ADGRL3: variants seen among roughly 807,000 people sequenced by gnomAD.
ADGRL3 encodes the protein calcium-independent alpha-latrotoxin receptor 3.
In ADGRL3, 62 loss-of-function variants were observed where a neutral mutation model predicts 153.5. The observed-to-expected ratio is 0.40, with a 90% CI of 0.33 to 0.50. ADGRL3 has a LOEUF of 0.50. ADGRL3 is among the 20% of genes least tolerant of loss of function. The pLI, the probability that ADGRL3 is intolerant of heterozygous loss-of-function variation, is 0.47. For synonymous variants in ADGRL3, 710 were observed against 672.5 expected, an observed-to-expected ratio of 1.06 and a Z score of -0.86; for missense variants, 1,641 against 1,859.4, an observed-to-expected ratio of 0.88 and a Z score of 2.16.
chr4:61,802,756 TGCATTAG>T, intron 8 of ADGRL3, among the ~76,000 whole-genome samples: 1 of 151,996 alleles, frequency 6.6e-6, no homozygotes, highest in East Asian at 1.9e-4. Flanking sequence ...AAACAAGGGA[TGCATTAG>T]GCATATAATT....
chr4:61,779,209 A>G (rs1027405115), intron 8 of ADGRL3, among the ~76,000 whole-genome samples: 3 of 152,140 alleles, frequency 2.0e-5, no homozygotes, highest in African/African-American at 7.2e-5. Context: ...CATTTGTATA[A>G]TCAAACCTAT....
At chr4:61,415,680 C>T (rs1456072320) in intron 2 of ADGRL3, among the ~76,000 whole-genome samples, 1 of 151,308 alleles carries the variant, frequency 6.6e-6, no homozygotes, top group East Asian at 2.0e-4. Flanking sequence ...TGTAGCTCTC[C>T]CTTTAACCTT....
intron 21 of ADGRL3, among the ~76,000 whole-genome samples, chr4:62,007,395 C>CACACACACACACAT (rs369431931): frequency 9.2e-5 from 7 of 76,434 alleles, no homozygotes; most frequent in African/African-American, 3.2e-4. Flanking sequence ...CACACACACA[C>CACACACACACACAT]ATATATATAT....
intron 15 of ADGRL3, among the ~76,000 whole-genome samples, chr4:61,946,443 A>G (rs774728595): frequency 2.0e-5 from 3 of 152,150 alleles, no homozygotes; most frequent in Non-Finnish European, 2.9e-5. Flanking sequence ...TGTTTTGTAT[A>G]ATAATGAATC....
chr4:61,359,917 T>C (rs1157382871), intron 1 of ADGRL3, among the ~76,000 whole-genome samples: 1 of 152,060 alleles, frequency 6.6e-6, no homozygotes, highest in Non-Finnish European at 1.5e-5. Flanking sequence ...GAAGCAATAT[T>C]ATGATGATGT....
intron 9 of ADGRL3, among the ~76,000 whole-genome samples, chr4:61,850,025 T>C (rs909169479): frequency 2.0e-5 from 3 of 152,150 alleles, no homozygotes; most frequent in Non-Finnish European, 2.9e-5. Flanking sequence ...AATGTTATTT[T>C]GCTAGTTTTG....
intron 2 of ADGRL3, among the ~76,000 whole-genome samples, chr4:61,449,780 A>G (rs756782345): frequency 9.9e-5 from 15 of 152,174 alleles, no homozygotes; most frequent in South Asian, 2.1e-4. Context: ...CAAGGACTCT[A>G]GAAATGACAG....
chr4:61,742,688 A>G (rs1383902606), intron 8 of ADGRL3, among the ~76,000 whole-genome samples: 1 of 152,230 alleles, frequency 6.6e-6, no homozygotes, highest in African/African-American at 2.4e-5. Flanking sequence ...CTACTTTACC[A>G]CTAGAAAGCT....
At chr4:61,238,947 T>C (rs200107643) in intron 1 of ADGRL3, among the ~76,000 whole-genome samples, 51 of 152,262 alleles carry the variant, frequency 3.3e-4, no homozygotes, top group African/African-American at 1.2e-3. Flanking sequence ...TTAAAATAAA[T>C]AAGTTCTCTT....
rs538670063 is a variant in ADGRL3, at chr4:62,071,987, TA to T, written c.*1081del. 156 of 210,072 alleles carry T rather than the reference TA, an allele frequency of 7.4e-4. 1 individual carries two copies. Among genetic ancestry groups the T allele is most frequent in the African/African-American group, 3.3e-3 (140 of 42,118 alleles). The allele number at this position is 210,072 out of a possible 1,614,324, so 13.0% of individuals were successfully genotyped here. ...TTATGTTTACAGGGCACGTCTGTTGTAATGCAAAGCATATTTGGCAAGCAGT... is the reference window on the plus strand; with the variant it reads ...TTATGTTTACAGGGCACGTCTGTTGTATGCAAAGCATATTTGGCAAGCAGT... On this transcript the variant is annotated 3_prime_UTR_variant, in exon 27 of 27. Coordinates refer to ENST00000683033, the MANE Select transcript of ADGRL3 (RefSeq NM_001387552.1).
At chr4:61,222,750 A>C (rs887670657) in intron 1 of ADGRL3, among the ~76,000 whole-genome samples, 2 of 152,190 alleles carry the variant, frequency 1.3e-5, no homozygotes, top group African/African-American at 4.8e-5. Flanking sequence ...CCAGACTACA[A>C]AGTGAATAAT....
intron 2 of ADGRL3, among the ~76,000 whole-genome samples, chr4:61,386,322 C>T (rs1021992378): frequency 1.3e-5 from 2 of 151,878 alleles, no homozygotes; most frequent in Non-Finnish European, 2.9e-5. Context: ...AAGGAGCTAG[C>T]CAAAAACTTA....
chr4:61,766,201 G>A (rs747749102), intron 8 of ADGRL3, among the ~76,000 whole-genome samples: 1 of 152,060 alleles, frequency 6.6e-6, no homozygotes, highest in Non-Finnish European at 1.5e-5. Context: ...CAGGAACAAC[G>A]GTAATTGTGG....
chr4:61,524,796 T>C (rs1273385133), intron 4 of ADGRL3, among the ~76,000 whole-genome samples: 5 of 152,140 alleles, frequency 3.3e-5, no homozygotes, highest in Admixed American at 1.3e-4. Flanking sequence ...AACAGAGATA[T>C]ATAATGGAAG....
chr4:61,580,678 G>A (rs755709990), intron 4 of ADGRL3, among the ~76,000 whole-genome samples: 2 of 152,036 alleles, frequency 1.3e-5, no homozygotes, highest in African/African-American at 2.4e-5. Context: ...CTTTCTGGTG[G>A]ATGGAAGACC....
At chr4:61,888,059 G>C (rs973366093) in intron 9 of ADGRL3, among the ~76,000 whole-genome samples, 4 of 152,040 alleles carry the variant, frequency 2.6e-5, no homozygotes, top group African/African-American at 9.7e-5. Flanking sequence ...AAATTTCAAA[G>C]GACAGGAGAA....
chr4:61,709,374 C>A (rs1211082366), intron 6 of ADGRL3, among the ~76,000 whole-genome samples: 1 of 152,070 alleles, frequency 6.6e-6, no homozygotes, highest in Non-Finnish European at 1.5e-5. Flanking sequence ...ATTATGAAAT[C>A]TGTGGAAGCA....
At chr4:61,428,831 TTATC>T (rs4038727) in intron 2 of ADGRL3, among the ~76,000 whole-genome samples, 30,776 of 133,084 alleles carry the variant, frequency 0.23, 3,672 homozygotes, top group Middle Eastern at 0.29. Context: ...TAGCTATCAT[TTATC>T]TATCTATCTA....
intron 5 of ADGRL3, among the ~76,000 whole-genome samples, chr4:61,650,443 C>G (rs1016614142): frequency 6.6e-5 from 10 of 152,056 alleles, no homozygotes; most frequent in African/African-American, 2.4e-4. Context: ...ATTATTAACC[C>G]TGTGCTCTTA....
Sources: gnomAD v4.1 joint callset for allele counts (sites outside exome capture counted in the v4.1 genomes callset) on GRCh38, gnomAD v4.1.1 for gene constraint, MANE v1.5 for transcripts, NCBI Gene and HGNC (gene_info 2026-07-23, HGNC 2026-07-21) for gene names.